GPC5: variants seen among roughly 807,000 people sequenced by gnomAD.
GPC5 encodes the protein glypican-5.
In GPC5, 47 loss-of-function variants were observed where a neutral mutation model predicts 53.9. The ratio of observed to expected loss-of-function variants is 0.87; its 90% CI spans 0.69 to 1.11. The LOEUF (loss-of-function observed/expected upper bound fraction) is 1.11, where lower values mean the gene tolerates loss of function less well. GPC5 is among the 50% of genes most tolerant of loss of function. The pLI is 0.00. For synonymous variants in GPC5, 286 were observed against 263.3 expected, an observed-to-expected ratio of 1.09 and a Z score of -0.84; for missense variants, 748 against 713.1, an observed-to-expected ratio of 1.05 and a Z score of -0.56.
intron 7 of GPC5, among the ~76,000 whole-genome samples, chr13:92,223,863 C>T (rs1033488966): frequency 2.0e-5 from 3 of 152,084 alleles, no homozygotes; most frequent in African/African-American, 7.2e-5. Context: ...TCATTTTCAG[C>T]TTGGCCTTAC....
At chr13:91,465,897 C>G (rs546255317) in intron 2 of GPC5, among the ~76,000 whole-genome samples, 1 of 152,114 alleles carries the variant, frequency 6.6e-6, no homozygotes, top group Non-Finnish European at 1.5e-5. Context: ...ATAAAAATAA[C>G]AGCTTCATCT....
chr13:91,688,006 A>G (rs1291059247), intron 2 of GPC5, among the ~76,000 whole-genome samples: 1 of 152,054 alleles, frequency 6.6e-6, no homozygotes, highest in African/African-American at 2.4e-5. Flanking sequence ...ACGTTTTTGG[A>G]GAACAGCACA....
chr13:92,222,142 A>G (rs1190477996), intron 7 of GPC5, among the ~76,000 whole-genome samples: 1 of 152,148 alleles, frequency 6.6e-6, no homozygotes, highest in Non-Finnish European at 1.5e-5. Context: ...GGTATCTCCG[A>G]TCAATTCTAT....
Position 92,344,699 on chromosome 13 carries a change from G to A in GPC5, c.1561+199710G>A, listed in dbSNP as rs566695250. Among the ~76,000 whole-genome samples, 8 of 152,232 alleles carry A rather than the reference G, an allele frequency of 5.3e-5. No individual in the cohort carries two copies. In the South Asian group the frequency reaches 1.4e-3, roughly 28 times the overall value. ...TTCACAACTGCAGGCAGGGTCTTAC[G>A]TAGTTTTGAACCTCCTGCCAGCACC... On this transcript the variant is annotated intron_variant, in intron 7 of 7. Transcript: ENST00000377067.
intron 6 of GPC5, among the ~76,000 whole-genome samples, chr13:91,988,424 CT>C (rs1398223072): frequency 4.6e-5 from 7 of 152,176 alleles, no homozygotes; most frequent in African/African-American, 1.4e-4. Context: ...ATCCAAAACA[CT>C]CTTTTGACTT....
At chr13:92,238,442 T>C (rs978091633) in intron 7 of GPC5, among the ~76,000 whole-genome samples, 1 of 152,108 alleles carries the variant, frequency 6.6e-6, no homozygotes. Flanking sequence ...GATTTCCATT[T>C]CCCTGATGGC....
At chr13:92,511,960 C>T (rs908812070) in intron 7 of GPC5, among the ~76,000 whole-genome samples, 7 of 152,024 alleles carry the variant, frequency 4.6e-5, no homozygotes, top group African/African-American at 1.7e-4. Flanking sequence ...TAGAACATCC[C>T]TGTAGTGAAG....
chr13:92,135,738 C>G (rs1400337952), intron 6 of GPC5, among the ~76,000 whole-genome samples: 2 of 152,154 alleles, frequency 1.3e-5, no homozygotes, highest in Non-Finnish European at 2.9e-5. Flanking sequence ...AGTGACCTTT[C>G]AAATTACTGG....
chr13:91,707,462 A>G (rs983457233), intron 3 of GPC5, among the ~76,000 whole-genome samples: 2 of 152,042 alleles, frequency 1.3e-5, no homozygotes, highest in Non-Finnish European at 2.9e-5. Flanking sequence ...ATCTCTACAA[A>G]AAAAATAAGG....
At chr13:92,555,148 T>C (rs1418583317) in intron 7 of GPC5, among the ~76,000 whole-genome samples, 2 of 151,376 alleles carry the variant, frequency 1.3e-5, no homozygotes, top group African/African-American at 4.8e-5. Context: ...GGAATGTAAA[T>C]TGTATCCCAG....
intron 5 of GPC5, among the ~76,000 whole-genome samples, chr13:91,843,524 A>G (rs1051844171): frequency 9.9e-5 from 15 of 152,206 alleles, no homozygotes; most frequent in African/African-American, 3.4e-4. Context: ...AGCTTGGCAA[A>G]AACAGAGGAA....
chr13:91,615,880 A>G (rs1406913108), intron 2 of GPC5, among the ~76,000 whole-genome samples: 3 of 152,130 alleles, frequency 2.0e-5, no homozygotes, highest in Non-Finnish European at 2.9e-5. Flanking sequence ...AAAATATACT[A>G]CTAGGATAGT....
intron 7 of GPC5, among the ~76,000 whole-genome samples, chr13:92,281,555 G>A (rs189406341): frequency 1.6e-4 from 25 of 152,300 alleles, no homozygotes; most frequent in African/African-American, 6.0e-4. Context: ...GAAGCTTGCA[G>A]AGGAAAGATC....
chr13:91,849,348 C>T (rs2038888082), intron 5 of GPC5, among the ~76,000 whole-genome samples: 1 of 152,146 alleles, frequency 6.6e-6, no homozygotes, highest in Admixed American at 6.5e-5. Flanking sequence ...CACTGCCCTC[C>T]CTCACCAGGC....
At chr13:91,997,622 G>T (rs548604943) in intron 6 of GPC5, among the ~76,000 whole-genome samples, 2 of 152,080 alleles carry the variant, frequency 1.3e-5, no homozygotes, top group Non-Finnish European at 2.9e-5. Context: ...AGGTTCCAGC[G>T]ATTCTCCTGC....
intron 7 of GPC5, among the ~76,000 whole-genome samples, chr13:92,605,714 C>T (rs1037506650): frequency 1.3e-5 from 2 of 151,856 alleles, no homozygotes; most frequent in Non-Finnish European, 2.9e-5. Context: ...CTCAGCCTCC[C>T]GAGTAGCTGG....
chr13:92,861,517 T>C (rs1396405942), intron 7 of GPC5, among the ~76,000 whole-genome samples: 1 of 152,164 alleles, frequency 6.6e-6, no homozygotes, highest in Non-Finnish European at 1.5e-5. Flanking sequence ...TTTCTTATTA[T>C]TGTAAATATC....
intron 2 of GPC5, among the ~76,000 whole-genome samples, chr13:91,668,939 G>T (rs561572981): frequency 3.9e-5 from 6 of 152,172 alleles, no homozygotes; most frequent in Non-Finnish European, 7.4e-5. Flanking sequence ...TAGGCATCAG[G>T]GTAAAATAGC....
chr13:92,456,186 T>C (rs1269324124), intron 7 of GPC5, among the ~76,000 whole-genome samples: 1 of 152,192 alleles, frequency 6.6e-6, no homozygotes, highest in African/African-American at 2.4e-5. Context: ...ACATTCACTG[T>C]AGGTCCTTTC....
Sources: allele counts gnomAD v4.1 joint callset (sites outside exome capture counted in the v4.1 genomes callset), GRCh38; gene constraint gnomAD v4.1.1; transcripts MANE v1.5; gene names NCBI Gene and HGNC (gene_info 2026-07-23, HGNC 2026-07-21).